Variants in AMOTL1 observed in about 807,000 individuals in gnomAD.
AMOTL1 encodes the protein angiomotin-like protein 1.
AMOTL1 carries 45 observed loss-of-function variants against 102.9 expected under a neutral mutation model. The ratio of observed to expected loss-of-function variants is 0.44; its 90% CI spans 0.34 to 0.56. The LOEUF is 0.56. Ranked by LOEUF, AMOTL1 falls within the 20% of genes least tolerant of loss-of-function variation. The pLI is 0.01. For synonymous variants in AMOTL1, 481 were observed against 484.7 expected, an observed-to-expected ratio of 0.99 and a Z score of 0.10; for missense variants, 1,114 against 1,225.6, an observed-to-expected ratio of 0.91 and a Z score of 1.36.
intron 10 of AMOTL1, 121 bp downstream of exon 10, chr11:94,864,981 C>A: frequency 7.4e-7 from 1 of 1,351,888 alleles, no homozygotes. Flanking sequence ...CAAAAACTCT[C>A]CTCCCCCATG....
At chr11:94,740,835 A>T in intron 2 of AMOTL1, 2 of 950,682 alleles carry the variant, frequency 2.1e-6, no homozygotes, top group Non-Finnish European at 1.5e-6. Flanking sequence ...TGGGAGAGAG[A>T]AGCCCGCGCT....
At chr11:94,793,098 G>A (rs1285401914) in intron 1 of AMOTL1, among the ~76,000 whole-genome samples, 2 of 151,998 alleles carry the variant, frequency 1.3e-5, no homozygotes, top group Admixed American at 1.3e-4. Flanking sequence ...ATATATTTTA[G>A]TTGGACCTCA....
chr11:94,750,753 A>T (rs1309934268), intron 3 of AMOTL1, among the ~76,000 whole-genome samples: 1 of 152,210 alleles, frequency 6.6e-6, no homozygotes, highest in African/African-American at 2.4e-5. Context: ...TTCCCTTCAC[A>T]GGAAACCTCA....
At chr11:94,726,812 A>T (rs1950267833) in intron 1 of AMOTL1, among the ~76,000 whole-genome samples, 1 of 152,096 alleles carries the variant, frequency 6.6e-6, no homozygotes. Flanking sequence ...GGCTAAAGGG[A>T]GGTGTTGGAA....
At position 94,789,887 on chromosome 11, in the gene AMOTL1, T is replaced by C. The variant is rs192573007; in HGVS notation, c.50-5124T>C. Among the ~76,000 whole-genome samples, 164 of 152,298 alleles carry C rather than the reference T, an allele frequency of 1.1e-3. 1 individual carries two copies. Among genetic ancestry groups the C allele is most frequent in the African/African-American group, 3.8e-3 (157 of 41,562 alleles). ...TATTGTAATCTAGACAGTGAAATTG[T>C]TTTTAAATCATTAGGAGGTTTTGGA... is the stretch of plus-strand genomic sequence containing the variant. On this transcript the variant is annotated intron_variant, in intron 1 of 12. Coordinates refer to ENST00000433060, the MANE Select transcript of AMOTL1 (RefSeq NM_130847.3).
At chr11:94,867,058 A>G (rs1952899200) in intron 11 of AMOTL1, among the ~76,000 whole-genome samples, 1 of 152,002 alleles carries the variant, frequency 6.6e-6, no homozygotes, top group Non-Finnish European at 1.5e-5. Context: ...CCCACATCAG[A>G]TCGTGTTTTT....
intron 3 of AMOTL1, among the ~76,000 whole-genome samples, chr11:94,819,177 T>A (rs1351699807): frequency 6.6e-6 from 1 of 152,184 alleles, no homozygotes; most frequent in African/African-American, 2.4e-5. Flanking sequence ...TATAAAATGC[T>A]TTTTTGGAAA....
At chr11:94,715,931 T>C (rs923543999) in intron 1 of AMOTL1, among the ~76,000 whole-genome samples, 6 of 152,144 alleles carry the variant, frequency 3.9e-5, no homozygotes, top group Non-Finnish European at 1.5e-5. Context: ...AGCCAGTATG[T>C]TTTTTGAATA....
chr11:94,755,257 G>C (rs906778552), intron 3 of AMOTL1, among the ~76,000 whole-genome samples: 1 of 152,158 alleles, frequency 6.6e-6, no homozygotes, highest in Non-Finnish European at 1.5e-5. Flanking sequence ...TGGTTATATG[G>C]CTTCTGGGGT....
chr11:94,820,285 G>T (rs1951840868), intron 3 of AMOTL1: 2 of 152,372 alleles, frequency 1.3e-5, no homozygotes, highest in South Asian at 4.1e-4. Context: ...ACCACACCTG[G>T]GCCTCATTGG....
At chr11:94,715,658 G>A (rs1248952216) in intron 1 of AMOTL1, among the ~76,000 whole-genome samples, 1 of 152,056 alleles carries the variant, frequency 6.6e-6, no homozygotes, top group Non-Finnish European at 1.5e-5. Flanking sequence ...TCTTCTTTCA[G>A]GGATTGAAAT....
At position 94,866,177 on chromosome 11, in the gene AMOTL1, C is replaced by A. The variant is rs369608311; in HGVS notation, c.2488+9C>A. ...CTGGAAGGGGAGCATAGGTGAGCCC[C>A]ACACCTCTGTCAGACCATGATTGGA... On this transcript the variant is annotated intron_variant, in intron 11 of 12. Coordinates refer to ENST00000433060, the MANE Select transcript of AMOTL1 (RefSeq NM_130847.3). The A allele has an allele frequency of 1.1e-4, 175 of 1,612,750 alleles. 1 individual carries two copies. In the African/African-American group the frequency reaches 2.2e-3, roughly 21 times the overall value.
intron 2 of AMOTL1, among the ~76,000 whole-genome samples, chr11:94,730,278 C>G (rs547967368): frequency 2.0e-5 from 3 of 152,144 alleles, no homozygotes; most frequent in Non-Finnish European, 4.4e-5. Context: ...ACTGTATCAG[C>G]CTCTTCCTGG....
At chr11:94,734,041 A>G (rs957943226) in intron 2 of AMOTL1, among the ~76,000 whole-genome samples, 1 of 152,194 alleles carries the variant, frequency 6.6e-6, no homozygotes, top group Non-Finnish European at 1.5e-5. Flanking sequence ...TTATTTATAT[A>G]TTTCCCAAAA....
chr11:94,773,714 T>G (rs1950985062), intron 1 of AMOTL1, among the ~76,000 whole-genome samples: 1 of 152,246 alleles, frequency 6.6e-6, no homozygotes, highest in South Asian at 2.1e-4. Context: ...TGTGTTACTC[T>G]GATTCTTGAG....
At chr11:94,850,891 C>T (rs992377471) in intron 7 of AMOTL1, among the ~76,000 whole-genome samples, 4 of 152,190 alleles carry the variant, frequency 2.6e-5, no homozygotes, top group Admixed American at 6.5e-5. Flanking sequence ...TGTTGCTGGG[C>T]ACAAAGGAAA....
intron 9 of AMOTL1, 136 bp from the exon 10 acceptor site, chr11:94,864,599 G>T (rs183224627): frequency 4.6e-5 from 57 of 1,226,126 alleles, no homozygotes; most frequent in Middle Eastern, 5.5e-4. Context: ...GGAGGGAAAG[G>T]CTTCATGAGC....
Position 94,752,765 on chromosome 11 carries a change from T to C in AMOTL1, c.136+11777T>C, listed in dbSNP as rs140686995. ...ATAGCTTTTGGAAACTTTAGGTTCT[T>C]AAGAAAACACAGAAGGGACATGTGG... On this transcript the variant is annotated intron_variant, in intron 3 of 4. Coordinates refer to the AMOTL1 transcript ENST00000299004. Among the ~76,000 whole-genome samples the C allele has an allele frequency of 1.4e-3, 213 of 152,276 alleles. 2 individuals carry two copies. Among genetic ancestry groups the C allele is most frequent in the East Asian group, 4.2e-3 (22 of 5,178 alleles).
chr11:94,790,986 G>A (rs1329601243), intron 1 of AMOTL1, among the ~76,000 whole-genome samples: 4 of 152,112 alleles, frequency 2.6e-5, no homozygotes, highest in East Asian at 1.9e-4. Context: ...CAATGAAGCC[G>A]TTGTTATTGC....
Sources: gnomAD v4.1 joint callset for allele counts (sites outside exome capture counted in the v4.1 genomes callset) on GRCh38, gnomAD v4.1.1 for gene constraint, MANE v1.5 for transcripts, NCBI Gene and HGNC (gene_info 2026-07-23, HGNC 2026-07-21) for gene names.